The following POLR1B variants were observed in gnomAD, a reference collection of about 807,000 sequenced individuals.
The protein encoded by POLR1B is DNA-directed RNA polymerase I subunit RPA2.
In POLR1B, 30 loss-of-function variants were observed where a neutral mutation model predicts 105.8. The observed-to-expected ratio is 0.28, with a 90% CI of 0.21 to 0.38. The LOEUF (loss-of-function observed/expected upper bound fraction) is 0.38, where lower values mean the gene tolerates loss of function less well. POLR1B is among the 10% of genes least tolerant of loss of function. The pLI, the probability that POLR1B is intolerant of heterozygous loss-of-function variation, is 1.00. For synonymous variants in POLR1B, 485 were observed against 505.1 expected, an observed-to-expected ratio of 0.96 and a Z score of 0.53; for missense variants, 976 against 1,435.8, an observed-to-expected ratio of 0.68 and a Z score of 5.17.
At chr2:112,542,273 C>T, upstream of POLR1B, 3 of 1,533,662 alleles carry the variant, frequency 2.0e-6, no homozygotes, top group Non-Finnish European at 2.6e-6. Context: ...CCGCCACGCT[C>T]TGGCTGGACA....
At chr2:112,548,770 G>A (rs1437233925) in intron 3 of POLR1B, among the ~76,000 whole-genome samples, 2 of 152,010 alleles carry the variant, frequency 1.3e-5, no homozygotes, top group African/African-American at 2.4e-5. Context: ...CCACTACCAC[G>A]CCTGGCTAAT....
At chr2:112,572,811 G>T in intron 13 of POLR1B, 53 bp downstream of exon 13, 1 of 1,438,688 alleles carries the variant, frequency 7.0e-7, no homozygotes, top group East Asian at 2.4e-5. Context: ...TAACTTGTTT[G>T]TTTACTGTGA....
At chr2:112,560,181 A>G (rs555293866) in intron 9 of POLR1B, among the ~76,000 whole-genome samples, 3 of 152,212 alleles carry the variant, frequency 2.0e-5, no homozygotes, top group African/African-American at 7.2e-5. Flanking sequence ...TTGAGGCTGC[A>G]GTGAGCTGTG....
intron 5 of POLR1B, among the ~76,000 whole-genome samples, chr2:112,551,389 C>T (rs1367910269): frequency 6.6e-6 from 1 of 152,196 alleles, no homozygotes; most frequent in East Asian, 1.9e-4. Flanking sequence ...CTGCTTGAGG[C>T]AACTGTCTTC....
chr2:112,560,994 G>A (rs1258538388), intron 9 of POLR1B, among the ~76,000 whole-genome samples: 1 of 151,954 alleles, frequency 6.6e-6, no homozygotes, highest in African/African-American at 2.4e-5. Flanking sequence ...GAATCCAGGA[G>A]GTGGAGGTTG....
Position 112,578,101 on chromosome 2 carries a change from T to G in POLR1B, c.*2372T>G, listed in dbSNP as rs1684947498. ...TAAAAACATTCCCAAAAAAAATGTTTTTTAGCTTTTTAACTGTAGATTCAC... is the reference window on the plus strand; with the variant it reads ...TAAAAACATTCCCAAAAAAAATGTTGTTTAGCTTTTTAACTGTAGATTCAC... On this transcript the variant is annotated 3_prime_UTR_variant, in exon 15 of 15. Transcript: ENST00000263331. Among the ~76,000 whole-genome samples the G allele has an allele frequency of 6.6e-6, 1 of 152,174 alleles. No homozygotes were observed. Among genetic ancestry groups the G allele is most frequent in the African/African-American group, 2.4e-5 (1 of 41,436 alleles).
At chr2:112,549,523 G>A in intron 4 of POLR1B, 124 bp downstream of exon 4, 2 of 771,606 alleles carry the variant, frequency 2.6e-6, no homozygotes, top group South Asian at 2.5e-5. Context: ...TTTTGGTAGG[G>A]ATGGGGTTTC....
chr2:112,554,944 G>A (rs1683573980), intron 7 of POLR1B, among the ~76,000 whole-genome samples: 1 of 152,202 alleles, frequency 6.6e-6, no homozygotes, highest in African/African-American at 2.4e-5. Context: ...ACTTTGAGAT[G>A]CCAAGGTGGG....
intron 8 of POLR1B, among the ~76,000 whole-genome samples, chr2:112,559,071 A>T (rs1433820623): frequency 6.6e-6 from 1 of 152,122 alleles, no homozygotes; most frequent in East Asian, 1.9e-4. Flanking sequence ...GTCATAGAGG[A>T]GACAGGGAAC....
At position 112,573,826 on chromosome 2, in the gene POLR1B, G is replaced by T; in HGVS notation, c.2525+11G>T. On this transcript the variant is annotated intron_variant, in intron 14 of 14. Coordinates refer to ENST00000263331, the MANE Select transcript of POLR1B (RefSeq NM_019014.6). ...TGTGATGTACTATAAGTAAGTTTGG[G>T]TATCCAAGCTGTTTTGTTTTTGTTT... 6.2e-7 allele frequency: 1 copy of T among 1,607,502 alleles called. No homozygotes were observed. The highest frequency in any genetic ancestry group is 8.5e-7 in the Non-Finnish European group (1 of 1,175,652).
At chr2:112,566,659 T>C (rs1315881133) in intron 10 of POLR1B, among the ~76,000 whole-genome samples, 1 of 152,198 alleles carries the variant, frequency 6.6e-6, no homozygotes, top group Non-Finnish European at 1.5e-5. Context: ...ACATTCATGT[T>C]GTGGAGTCAT....
chr2:112,568,035 T>G lies in POLR1B; in HGVS notation c.1815T>G (p.Ser605Arg). ...VVLIPMTGKP[S>R]LYPGLFLFTT... is the part of the protein sequence containing the mutation. Reference sequence around the variant, plus strand: ...TTATACCCATGACAGGAAAACCAAGTCTGTACCCAGGATTGTTCCTTTTTA... The same window carrying G: ...TTATACCCATGACAGGAAAACCAAGGCTGTACCCAGGATTGTTCCTTTTTA... The change falls in exon 11 of 15, where the codon AGT (serine) becomes AGG (arginine). Residue 605 changes from serine (S) to arginine (R), a missense_variant. This residue lies in a region of POLR1B where 184 missense variants were observed against 197.4 expected (regional missense o/e 0.93). Transcript: ENST00000263331. The G allele has an allele frequency of 1.2e-6, 2 of 1,614,134 alleles. No individual in the cohort carries two copies. The highest frequency in any genetic ancestry group is 3.3e-5 in the Admixed American group (2 of 60,026).
At chr2:112,557,264 C>T (rs1222588156) in intron 7 of POLR1B, among the ~76,000 whole-genome samples, 1 of 152,208 alleles carries the variant, frequency 6.6e-6, no homozygotes, top group Non-Finnish European at 1.5e-5. Flanking sequence ...TAACTGTATT[C>T]AACCTACATT....
chr2:112,564,187 G>A, intron 9 of POLR1B, 179 bp from the exon 10 acceptor site: 1 of 686,882 alleles, frequency 1.5e-6, no homozygotes, highest in Non-Finnish European at 2.3e-6. Context: ...AAATGGCATT[G>A]ATAAGCCTGC....
At chr2:112,553,155 C>T (rs867060382) in intron 7 of POLR1B, among the ~76,000 whole-genome samples, 1 of 152,180 alleles carries the variant, frequency 6.6e-6, no homozygotes, top group African/African-American at 2.4e-5. Flanking sequence ...TTATTTGTAA[C>T]CCTAATGTCA....
chr2:112,545,477 G>A (rs1331757539), intron 1 of POLR1B, among the ~76,000 whole-genome samples: 4 of 152,192 alleles, frequency 2.6e-5, no homozygotes, highest in African/African-American at 9.7e-5. Flanking sequence ...AGCTAACCAT[G>A]TATTTACCCT....
In POLR1B at chr2:112,578,313, C is replaced by A. The variant is rs1043808560; in HGVS notation, c.*2584C>A. ...TCATCACAGAGCTCTGCCATACTAT[C>A]CTTTTATAGCCATCTCTACCTCTGT... On this transcript the variant is annotated 3_prime_UTR_variant, in exon 15 of 15. Coordinates refer to ENST00000263331, the MANE Select transcript of POLR1B (RefSeq NM_019014.6). Among the ~76,000 whole-genome samples, 2 of 152,140 alleles carry A rather than the reference C, an allele frequency of 1.3e-5. No individual in the cohort carries two copies. The highest frequency in any genetic ancestry group is 2.9e-5 in the Non-Finnish European group (2 of 68,014).
At chr2:112,564,890 T>A (rs1684195733) in intron 10 of POLR1B, among the ~76,000 whole-genome samples, 1 of 152,232 alleles carries the variant, frequency 6.6e-6, no homozygotes, top group Admixed American at 6.5e-5. Flanking sequence ...TGAAAATATA[T>A]TTTTAAAAAG....
intron 1 of POLR1B, 182 bp downstream of exon 1, chr2:112,542,853 A>T: frequency 1.4e-6 from 1 of 695,938 alleles, no homozygotes; most frequent in Non-Finnish European, 2.4e-6. Flanking sequence ...CTTGGAGTCG[A>T]GGCGTCTTAA....
Sources: gnomAD v4.1 joint callset for allele counts (sites outside exome capture counted in the v4.1 genomes callset) on GRCh38, gnomAD v4.1.1 for gene constraint, gnomAD v4.1.1 regional missense constraint, MANE v1.5 for transcripts, NCBI Gene and HGNC (gene_info 2026-07-23, HGNC 2026-07-21) for gene names.